Variants in RUVBL1 observed in about 807,000 individuals in gnomAD.
RUVBL1 encodes the protein ruvB-like 1.
In RUVBL1, 4 loss-of-function variants were observed where a neutral mutation model predicts 52.4. The ratio of observed to expected loss-of-function variants is 0.08; its 90% CI spans 0.04 to 0.17. The LOEUF (loss-of-function observed/expected upper bound fraction) is 0.17, where lower values mean the gene tolerates loss of function less well. RUVBL1 is among the 10% of genes least tolerant of loss of function. RUVBL1 has a pLI of 1.00. For synonymous variants in RUVBL1, 217 were observed against 214.4 expected (o/e 1.01, Z -0.10); for missense variants, 298 against 572.8 (o/e 0.52, Z 4.90).
intron 9 of RUVBL1, chr3:128,083,754 C>G (rs1942552166): frequency 6.6e-6 from 1 of 152,304 alleles, no homozygotes; most frequent in African/African-American, 2.4e-5. Context: ...TTTCTCAAGA[C>G]AGGCTCAGAA....
At position 128,067,491 on chromosome 3, in the gene RUVBL1, A is replaced by T; in HGVS notation, c.940-2271T>A. The T allele has an allele frequency of 1.2e-6, 2 of 1,614,152 alleles. No homozygotes were observed. The highest frequency in any genetic ancestry group is 1.7e-6 in the Non-Finnish European group (2 of 1,180,012). On this transcript the variant is annotated intron_variant, in intron 9 of 9. Transcript: ENST00000464873. The surrounding 1 kb of genome is among the most constrained non-coding windows in gnomAD (Gnocchi z 4.1). ...CTTTGCTATTACCTGTCCCCTCCAG[A>T]ATCTTTTGGCTCCGTGTTAGAAGAC...
At chr3:128,076,944 T>C (rs1942346956), downstream of RUVBL1, among the ~76,000 whole-genome samples, 2 of 152,074 alleles carry the variant, frequency 1.3e-5, no homozygotes, top group Admixed American at 1.3e-4. This position sits in a 1 kb window ranked among gnomAD's most constrained non-coding sequence, Gnocchi z 6.8. Context: ...CTGACGGCGC[T>C]GATCTGCGTG....
intron 1 of RUVBL1, among the ~76,000 whole-genome samples, chr3:128,120,852 C>A (rs937544822): frequency 2.0e-5 from 3 of 151,952 alleles, no homozygotes; most frequent in Non-Finnish European, 2.9e-5. Context: ...AATCTCCCGA[C>A]CATGTAATCC....
intron 1 of RUVBL1, among the ~76,000 whole-genome samples, chr3:128,138,714 TGCAACCATGAAAGACTCAGGATAACCAAA>T (rs1411708277): frequency 6.6e-6 from 1 of 152,050 alleles, no homozygotes; most frequent in Non-Finnish European, 1.5e-5. Context: ...AAAATCTATA[TGCAACCATGAAAGACTCAGGATAACCAAA>T]GCCATCCTGA....
chr3:128,141,103 A>G (rs1034911829), intron 1 of RUVBL1, among the ~76,000 whole-genome samples: 9 of 152,336 alleles, frequency 5.9e-5, no homozygotes, highest in South Asian at 2.1e-4. Context: ...GAAATACTTC[A>G]TTAAGTAAAA....
At chr3:128,087,632 C>T in intron 9 of RUVBL1, 74 bp downstream of exon 9, 2 of 1,211,124 alleles carry the variant, frequency 1.7e-6, no homozygotes, top group East Asian at 4.9e-5. Context: ...GCCGCAGATA[C>T]CTTTCTGCAC....
At chr3:128,148,696 A>G (rs1482749632) in intron 1 of RUVBL1, among the ~76,000 whole-genome samples, 1 of 152,228 alleles carries the variant, frequency 6.6e-6, no homozygotes, top group African/African-American at 2.4e-5. Flanking sequence ...GCTGTTATCC[A>G]TCTCTTATGT....
chr3:128,152,853 G>A (rs938479098), intron 1 of RUVBL1, among the ~76,000 whole-genome samples: 1 of 134,940 alleles, frequency 7.4e-6, no homozygotes, highest in African/African-American at 2.8e-5. Flanking sequence ...TGCTGCTGGC[G>A]GGGGTGGCCA....
At chr3:128,070,096 T>C (rs1206750020) in intron 9 of RUVBL1, 1 of 156,860 alleles carries the variant, frequency 6.4e-6, no homozygotes, top group Non-Finnish European at 1.4e-5. Context: ...GAGCAGATCA[T>C]GTATTTCCCG....
In RUVBL1 at chr3:128,097,285, A is replaced by G. The variant is rs771969633; in HGVS notation, c.1016+15T>C. On this transcript the variant is annotated intron_variant, in intron 8 of 10. Coordinates refer to ENST00000322623, the MANE Select transcript of RUVBL1 (RefSeq NM_003707.3). ...AAGTTAAAAAAGCCTTGTGGCTGGCAGGCAGCCATCCTACCTGATGACACA... is the reference window on the plus strand; with the variant it reads ...AAGTTAAAAAAGCCTTGTGGCTGGCGGGCAGCCATCCTACCTGATGACACA... 2.5e-6 allele frequency: 4 copies of G among 1,611,174 alleles called. No individual in the cohort carries two copies. Among genetic ancestry groups the G allele is most frequent in the Admixed American group, 3.3e-5 (2 of 59,848 alleles).
At chr3:128,107,231 C>A (rs1190424524) in intron 3 of RUVBL1, among the ~76,000 whole-genome samples, 1 of 152,230 alleles carries the variant, frequency 6.6e-6, no homozygotes, top group African/African-American at 2.4e-5. Flanking sequence ...TGTACCCAGA[C>A]TACTTGCTTC....
chr3:128,129,011 C>CCCT (rs1943837169), intron 1 of RUVBL1, among the ~76,000 whole-genome samples: 1 of 152,088 alleles, frequency 6.6e-6, no homozygotes, highest in South Asian at 2.1e-4. Flanking sequence ...CAATCTTTCT[C>CCCT]CCTCCTCCCC....
At chr3:128,125,646 G>C (rs1943776451), upstream of RUVBL1, among the ~76,000 whole-genome samples, 1 of 152,210 alleles carries the variant, frequency 6.6e-6, no homozygotes, top group African/African-American at 2.4e-5. Context: ...ATAGGACTTG[G>C]TAATGATTTC....
chr3:128,150,674 CTATA>C (rs916568186), intron 1 of RUVBL1, among the ~76,000 whole-genome samples: 1 of 120,952 alleles, frequency 8.3e-6, no homozygotes, highest in African/African-American at 3.2e-5. Context: ...TACATATATT[CTATA>C]TATATTCTAT....
intron 1 of RUVBL1, among the ~76,000 whole-genome samples, chr3:128,149,025 G>T (rs919291200): frequency 5.3e-5 from 8 of 151,304 alleles, no homozygotes; most frequent in African/African-American, 1.5e-4. Context: ...ATCAACTCAG[G>T]GCCAGTCTAG....
chr3:128,151,262 C>CTA (rs1313339521), intron 1 of RUVBL1, among the ~76,000 whole-genome samples: 1 of 140,532 alleles, frequency 7.1e-6, no homozygotes. Flanking sequence ...TATATAAAAT[C>CTA]TATATATATT....
chr3:128,072,379 C>T (rs753787760), intron 9 of RUVBL1, among the ~76,000 whole-genome samples: 3 of 152,234 alleles, frequency 2.0e-5, no homozygotes, highest in Non-Finnish European at 4.4e-5. Flanking sequence ...GAGGTCGTTA[C>T]TCCTTAGCTG....
chr3:128,076,636 C>A, downstream of RUVBL1, among the ~76,000 whole-genome samples: 1 of 152,046 alleles, frequency 6.6e-6, no homozygotes, highest in East Asian at 1.9e-4. This position sits in a 1 kb window ranked among gnomAD's most constrained non-coding sequence, Gnocchi z 6.8. Context: ...GTCCCTCCTC[C>A]CCCCACCCCT....
intron 8 of RUVBL1, among the ~76,000 whole-genome samples, chr3:128,095,881 CAG>C (rs1333406954): frequency 1.3e-5 from 2 of 152,184 alleles, no homozygotes; most frequent in Admixed American, 6.5e-5. Context: ...CTCAGCCTCC[CAG>C]AGAGTACACT....
Sources: allele counts gnomAD v4.1 joint callset (sites outside exome capture counted in the v4.1 genomes callset), GRCh38; gene constraint gnomAD v4.1.1; non-coding constraint Gnocchi (gnomAD v3.1); transcripts MANE v1.5; gene names NCBI Gene and HGNC (gene_info 2026-07-23, HGNC 2026-07-21).